MEGF11: variants seen among roughly 807,000 people sequenced by gnomAD.
MEGF11 encodes the protein multiple EGF like domains 11, also known as multiple epidermal growth factor-like domains protein 11.
A neutral mutation model predicts 146.6 loss-of-function variants in MEGF11; 126 were observed. That is an observed-to-expected ratio of 0.86 (90% confidence interval 0.74 to 1.00). The LOEUF (loss-of-function observed/expected upper bound fraction) is 1.00. Among genes scored for constraint, MEGF11 ranks in the 50% least tolerant of loss-of-function variants. MEGF11 has a pLI of 0.00. For synonymous variants in MEGF11, 532 were observed against 583.4 expected (o/e 0.91, Z 1.27); for missense variants, 1,509 against 1,521.2 (o/e 0.99, Z 0.13).
chr15:66,117,391 G>C (rs1285539799), intron 4 of MEGF11, among the ~76,000 whole-genome samples: 1 of 152,184 alleles, frequency 6.6e-6, no homozygotes, highest in Non-Finnish European at 1.5e-5. Context: ...GGTTACATAA[G>C]GAGTAAGTCG....
intron 4 of MEGF11, among the ~76,000 whole-genome samples, chr15:66,114,496 AC>A (rs1197378726): frequency 6.6e-6 from 1 of 152,242 alleles, no homozygotes; most frequent in African/African-American, 2.4e-5. Flanking sequence ...CTGGTTTGAT[AC>A]AAGACTAATA....
intron 5 of MEGF11, among the ~76,000 whole-genome samples, chr15:66,048,322 T>C (rs994647384): frequency 6.6e-6 from 1 of 152,214 alleles, no homozygotes; most frequent in Non-Finnish European, 1.5e-5. Flanking sequence ...AAGGAAGAGC[T>C]CTGTGTCTCT....
intron 1 of MEGF11, among the ~76,000 whole-genome samples, chr15:66,177,215 G>T (rs1320639928): frequency 2.0e-5 from 3 of 152,168 alleles, no homozygotes; most frequent in African/African-American, 7.2e-5. Context: ...TAAAAGCCAA[G>T]AAAATAACTT....
At chr15:66,056,899 A>C (rs2084696772) in intron 5 of MEGF11, among the ~76,000 whole-genome samples, 1 of 152,250 alleles carries the variant, frequency 6.6e-6, no homozygotes, top group Non-Finnish European at 1.5e-5. Context: ...GCCAAGCTGC[A>C]TGTGGACTTT....
chr15:66,007,850 G>A (rs994968483), intron 5 of MEGF11, among the ~76,000 whole-genome samples: 2 of 152,210 alleles, frequency 1.3e-5, no homozygotes, highest in African/African-American at 4.8e-5. Context: ...TAAGTGCCTA[G>A]CACTTATTTA....
intron 4 of MEGF11, among the ~76,000 whole-genome samples, chr15:66,111,188 A>G (rs760939882): frequency 2.0e-5 from 3 of 152,222 alleles, no homozygotes; most frequent in Admixed American, 6.5e-5. Context: ...TGAGCAGATG[A>G]TATACTGCAG....
At chr15:66,068,952 C>A (rs564817673) in intron 5 of MEGF11, among the ~76,000 whole-genome samples, 1 of 152,364 alleles carries the variant, frequency 6.6e-6, no homozygotes, top group African/African-American at 2.4e-5. Flanking sequence ...GCCCCTACTA[C>A]AAGCCAGGGA....
chr15:66,152,818 G>A (rs1418314148), intron 1 of MEGF11, among the ~76,000 whole-genome samples: 1 of 152,258 alleles, frequency 6.6e-6, no homozygotes, highest in African/African-American at 2.4e-5. Flanking sequence ...CCAATTGGCA[G>A]TGGTGACCCA....
rs57996841 is a variant in MEGF11 at position 66,066,905 on chromosome 15, C to T, written c.394+27497G>A. On this transcript the variant is annotated intron_variant, in intron 5 of 25. Coordinates refer to ENST00000395614, the MANE Select transcript of MEGF11 (RefSeq NM_001385028.1). Reference sequence around the variant, plus strand: ...GAGAGACCCCCAGAAAGGAGAGGCACCATCTGCCTGTCACCCACAATTGAT... The same window carrying T: ...GAGAGACCCCCAGAAAGGAGAGGCATCATCTGCCTGTCACCCACAATTGAT... Among the ~76,000 whole-genome samples the T allele has an allele frequency of 8.5e-5, 13 of 152,292 alleles. No homozygotes were observed. In the South Asian group the frequency reaches 2.7e-3, roughly 32 times the overall value.
rs148863632 is a variant in MEGF11 at position 66,145,518 on chromosome 15, G to A, written c.-8-17107C>T. On this transcript the variant is annotated intron_variant, in intron 1 of 25. Transcript: ENST00000395614. ...CTTTGGAGTTCTTACTACAGGGAGA[G>A]AGAGGGAAGGTGCATAGACTAGGAC... 5.9e-5 allele frequency among the ~76,000 whole-genome samples: 9 copies of A among 152,326 alleles called. No individual in the cohort carries two copies. In the East Asian group the frequency reaches 1.3e-3, roughly 23 times the overall value.
chr15:65,928,875 A>G (rs190458490), intron 12 of MEGF11, among the ~76,000 whole-genome samples: 2 of 152,304 alleles, frequency 1.3e-5, no homozygotes, highest in East Asian at 3.9e-4. Context: ...ACTGTAAATG[A>G]AAGTGCACTT....
chr15:65,995,891 G>A (rs990318792), intron 5 of MEGF11, among the ~76,000 whole-genome samples: 43 of 152,206 alleles, frequency 2.8e-4, no homozygotes, highest in African/African-American at 1.0e-3. Context: ...TATATGTGAA[G>A]CACTGTCTGA....
chr15:66,159,845 A>G (rs2089889003), intron 1 of MEGF11, among the ~76,000 whole-genome samples: 1 of 152,082 alleles, frequency 6.6e-6, no homozygotes, highest in Non-Finnish European at 1.5e-5. Flanking sequence ...GAGGGAGACC[A>G]GTGAGGCCCT....
intron 10 of MEGF11, among the ~76,000 whole-genome samples, chr15:65,940,079 A>G (rs1314187273): frequency 6.6e-6 from 1 of 152,112 alleles, no homozygotes; most frequent in Non-Finnish European, 1.5e-5. Context: ...AGTAATGTCT[A>G]GTGGCTAGAC....
intron 5 of MEGF11, among the ~76,000 whole-genome samples, chr15:66,089,670 C>T (rs1224622316): frequency 1.3e-5 from 2 of 152,208 alleles, no homozygotes. Context: ...TAGGAATTGG[C>T]TCACGTCCTT....
At chr15:66,087,094 G>C (rs1188754991) in intron 5 of MEGF11, among the ~76,000 whole-genome samples, 1 of 152,116 alleles carries the variant, frequency 6.6e-6, no homozygotes, top group Non-Finnish European at 1.5e-5. Flanking sequence ...TTATACAATG[G>C]TAAAAGGCCT....
At chr15:66,122,281 T>C (rs961154697) in intron 3 of MEGF11, among the ~76,000 whole-genome samples, 1 of 148,888 alleles carries the variant, frequency 6.7e-6, no homozygotes, top group Non-Finnish European at 1.5e-5. Context: ...AAACTACCTA[T>C]GCAGAAAAAA....
chr15:66,201,778 C>CAA (rs60006667), intron 1 of MEGF11, among the ~76,000 whole-genome samples: 26,602 of 98,944 alleles, frequency 0.27, 4,460 homozygotes, highest in East Asian at 0.57. Context: ...CTAAAAATCC[C>CAA]AAAAAAAAAA....
chr15:66,221,107 T>C (rs2091725499), intron 1 of MEGF11, among the ~76,000 whole-genome samples: 1 of 152,164 alleles, frequency 6.6e-6, no homozygotes, highest in South Asian at 2.1e-4. Context: ...TAAAATGATT[T>C]CAAATTTAAA....
Sources: allele counts gnomAD v4.1 joint callset (sites outside exome capture counted in the v4.1 genomes callset), GRCh38; gene constraint gnomAD v4.1.1; transcripts MANE v1.5; gene names NCBI Gene and HGNC (gene_info 2026-07-23, HGNC 2026-07-21).